CTNNA3: variants seen among roughly 807,000 people sequenced by gnomAD.
CTNNA3 encodes catenin alpha 3.
A neutral mutation model predicts 95.7 loss-of-function variants in CTNNA3; 76 were observed. The observed-to-expected ratio is 0.79, with a 90% confidence interval of 0.66 to 0.96. CTNNA3 has a LOEUF of 0.96. Among genes scored for constraint, CTNNA3 ranks in the 40% least tolerant of loss-of-function variants. The pLI, the probability that CTNNA3 is intolerant of heterozygous loss-of-function variation, is 0.00. For synonymous variants in CTNNA3, 431 were observed against 374.4 expected, an observed-to-expected ratio of 1.15 and a Z score of -1.74; for missense variants, 1,191 against 1,089.8, an observed-to-expected ratio of 1.09 and a Z score of -1.31.
At chr10:67,751,313 G>A in intron 1 of CTNNA3, 1 of 851,832 alleles carries the variant, frequency 1.2e-6, no homozygotes, top group Non-Finnish European at 2.0e-6. Context: ...TCCTATTTTA[G>A]CCAAGCTTAT....
chr10:67,503,968 T>C (rs1008452063), intron 5 of CTNNA3, among the ~76,000 whole-genome samples: 21 of 151,658 alleles, frequency 1.4e-4, no homozygotes, highest in African/African-American at 1.9e-4. Flanking sequence ...CCATCCTGGC[T>C]AACATGGTGA....
chr10:67,082,640 C>T (rs973940905), intron 7 of CTNNA3, among the ~76,000 whole-genome samples: 1 of 152,096 alleles, frequency 6.6e-6, no homozygotes, highest in Admixed American at 6.6e-5. Flanking sequence ...AAAAAGGAAA[C>T]CGTGCAGGAA....
rs571751411 is a variant in CTNNA3, at chr10:66,602,654, G to T, written c.1374+19038C>A. 2.1e-4 allele frequency among the ~76,000 whole-genome samples: 32 copies of T among 151,814 alleles called. 2 individuals carry two copies. The highest frequency in any genetic ancestry group is 2.1e-4 in the Non-Finnish European group (14 of 67,876). On this transcript the variant is annotated intron_variant, in intron 10 of 17. Transcript: ENST00000433211. ...AGAGACTCAACAAAAAAAGGAAACC[G>T]CAGACCAATATATCTGACACACATA... is the stretch of plus-strand genomic sequence containing the variant.
intron 5 of CTNNA3, among the ~76,000 whole-genome samples, chr10:67,453,368 T>C (rs1847059677): frequency 6.6e-6 from 1 of 152,184 alleles, no homozygotes; most frequent in African/African-American, 2.4e-5. Context: ...TGAATATGCA[T>C]TAGGGAAAAA....
chr10:65,984,072 C>A (rs986111563), intron 16 of CTNNA3, among the ~76,000 whole-genome samples: 1 of 151,176 alleles, frequency 6.6e-6, no homozygotes, highest in Middle Eastern at 3.4e-3. Context: ...TATATAATTT[C>A]AAATCTAATG....
intron 13 of CTNNA3, among the ~76,000 whole-genome samples, chr10:66,181,922 AG>A (rs1338615616): frequency 6.6e-6 from 1 of 152,164 alleles, no homozygotes; most frequent in African/African-American, 2.4e-5. Flanking sequence ...CTTTCCCCTT[AG>A]GCTTATTATT....
intron 13 of CTNNA3, among the ~76,000 whole-genome samples, chr10:66,193,886 G>T (rs1457986865): frequency 6.6e-6 from 1 of 152,036 alleles, no homozygotes; most frequent in Non-Finnish European, 1.5e-5. Flanking sequence ...GTGCTGCAAG[G>T]CTAAGTTTTT....
chr10:66,967,027 C>T (rs887227593), intron 7 of CTNNA3, among the ~76,000 whole-genome samples: 13 of 151,782 alleles, frequency 8.6e-5, no homozygotes, highest in Non-Finnish European at 1.5e-4. Context: ...AAGTTCATAG[C>T]GCAAAAAGAA....
intron 5 of CTNNA3, among the ~76,000 whole-genome samples, chr10:67,462,049 AGTT>A (rs1366557762): frequency 2.6e-5 from 4 of 152,208 alleles, no homozygotes; most frequent in East Asian, 1.9e-4. Context: ...TATGAAAGGA[AGTT>A]GTTGTAATAT....
intron 9 of CTNNA3, among the ~76,000 whole-genome samples, chr10:66,675,434 A>G (rs1225223848): frequency 6.6e-6 from 1 of 152,024 alleles, no homozygotes; most frequent in African/African-American, 2.4e-5. Context: ...TATATTTTGG[A>G]TCTTGAAAAT....
intron 11 of CTNNA3, among the ~76,000 whole-genome samples, chr10:66,467,404 T>A (rs1009544618): frequency 2.0e-5 from 3 of 152,114 alleles, no homozygotes; most frequent in African/African-American, 7.2e-5. Context: ...TTTGTGCAGA[T>A]ATCTAATATC....
intron 9 of CTNNA3, among the ~76,000 whole-genome samples, chr10:66,702,363 T>G (rs949198793): frequency 6.6e-6 from 1 of 152,062 alleles, no homozygotes; most frequent in African/African-American, 2.4e-5. Flanking sequence ...CCTCTAGGGA[T>G]GAAGAGGCAT....
exon 1 of CTNNA3, among the ~76,000 whole-genome samples, chr10:67,763,519 G>A (rs1055885644): frequency 2.0e-5 from 3 of 152,194 alleles, no homozygotes; most frequent in Admixed American, 2.0e-4. Context: ...TATGAGAAGG[G>A]CAGTGGGGTT....
intron 12 of CTNNA3, among the ~76,000 whole-genome samples, chr10:66,302,535 A>G (rs1417676584): frequency 6.6e-6 from 1 of 152,128 alleles, no homozygotes; most frequent in African/African-American, 2.4e-5. Context: ...CGTGATAACT[A>G]AATGCAATGT....
chr10:67,527,639 A>G (rs1840191386), intron 4 of CTNNA3, among the ~76,000 whole-genome samples: 1 of 152,238 alleles, frequency 6.6e-6, no homozygotes, highest in African/African-American at 2.4e-5. Flanking sequence ...AATTTCATCA[A>G]GCTCCTTAAG....
intron 7 of CTNNA3, among the ~76,000 whole-genome samples, chr10:67,133,398 C>T (rs1298337537): frequency 2.1e-5 from 3 of 145,502 alleles, no homozygotes; most frequent in Non-Finnish European, 4.5e-5. Context: ...CACACACACA[C>T]ACACAATGGT....
At chr10:67,559,481 C>A (rs1388224668) in intron 3 of CTNNA3, among the ~76,000 whole-genome samples, 3 of 152,112 alleles carry the variant, frequency 2.0e-5, no homozygotes, top group Admixed American at 6.5e-5. Flanking sequence ...ACACCAAAAA[C>A]CCATCTGTAC....
chr10:67,160,020 A>T (rs1028728052), intron 7 of CTNNA3, among the ~76,000 whole-genome samples: 2 of 152,196 alleles, frequency 1.3e-5, no homozygotes, highest in African/African-American at 4.8e-5. Flanking sequence ...CAAGCAGCTC[A>T]ATAGCAAGAA....
At chr10:65,967,285 A>G (rs1282203261) in intron 16 of CTNNA3, among the ~76,000 whole-genome samples, 1 of 152,168 alleles carries the variant, frequency 6.6e-6, no homozygotes, top group African/African-American at 2.4e-5. Context: ...TTTAGACATA[A>G]AAAGGTATAT....
Sources: allele counts gnomAD v4.1 joint callset (sites outside exome capture counted in the v4.1 genomes callset), GRCh38; gene constraint gnomAD v4.1.1; transcripts MANE v1.5; gene names NCBI Gene and HGNC (gene_info 2026-07-23, HGNC 2026-07-21).